RWDD2B: variants seen among roughly 807,000 people sequenced by gnomAD.
RWDD2B encodes RWD domain-containing protein 2B.
Under a neutral mutation model 33.6 loss-of-function variants are expected in RWDD2B, and 36 were observed. The ratio of observed to expected loss-of-function variants is 1.07; its 90% CI spans 0.82 to 1.42. The LOEUF (loss-of-function observed/expected upper bound fraction) is 1.42, where lower values mean the gene tolerates loss of function less well. RWDD2B is among the 40% of genes most tolerant of loss of function. RWDD2B has a pLI of 0.00. For missense variants in RWDD2B, 364 were observed against 377.5 expected (o/e 0.96, Z 0.30); for synonymous variants, 126 against 133.1 (o/e 0.95, Z 0.37).
chr21:29,011,191 CTGCCCAGCCGCCCTG>C, intron 1 of RWDD2B, among the ~76,000 whole-genome samples: 1 of 151,698 alleles, frequency 6.6e-6, no homozygotes, highest in Non-Finnish European at 1.5e-5. Context: ...AGGAGCGTCT[CTGCCCAGCCGCCCTG>C]CCATCTAGGA....
At chr21:29,016,661 CAT>C (rs1328766238) in intron 1 of RWDD2B, among the ~76,000 whole-genome samples, 2 of 151,794 alleles carry the variant, frequency 1.3e-5, no homozygotes, top group African/African-American at 4.8e-5. Context: ...AGTTGAGAAA[CAT>C]AAAAAACAAC....
intron 1 of RWDD2B, among the ~76,000 whole-genome samples, chr21:29,015,340 C>T (rs1030904001): frequency 5.6e-5 from 8 of 142,730 alleles, no homozygotes; most frequent in South Asian, 2.4e-4. Flanking sequence ...AAGCAATTCT[C>T]CTGCCTCAGC....
intron 1 of RWDD2B, among the ~76,000 whole-genome samples, chr21:29,015,859 A>C (rs2084887728): frequency 6.6e-6 from 1 of 152,174 alleles, no homozygotes; most frequent in Admixed American, 6.5e-5. Flanking sequence ...TATCCTAGAC[A>C]AAAGCAATCC....
At position 29,006,553 on chromosome 21, in the gene RWDD2B, G is replaced by T; in HGVS notation, c.824C>A (p.Ser275Tyr). The T allele has an allele frequency of 1.2e-6, 2 of 1,613,828 alleles. No homozygotes were observed. The highest frequency in any genetic ancestry group is 1.7e-6 in the Non-Finnish European group (2 of 1,179,854). The change falls in exon 5 of 5, where the codon TCC becomes TAC. Residue 275 changes from serine (S) to tyrosine (Y), a missense_variant. By Grantham distance (144) the Ser-to-Tyr change is moderately radical (BLOSUM62 -2). Transcript: ENST00000493196. ...ACTGAACACTTTTTCTTCAAAAATG[G>T]AAAATTTCCTTTGTCTTTCCGTTTC... ...NDETERQRKF[S>Y]IFEEKVFSVN... is the part of the protein sequence containing the mutation.
chr21:29,009,261 T>C (rs886913528), intron 1 of RWDD2B, among the ~76,000 whole-genome samples: 1 of 152,154 alleles, frequency 6.6e-6, no homozygotes, highest in Non-Finnish European at 1.5e-5. Flanking sequence ...CTTCATTTTT[T>C]ATTTGTAGAA....
At chr21:29,010,529 C>T (rs2084851302) in intron 1 of RWDD2B, among the ~76,000 whole-genome samples, 1 of 258 alleles carries the variant, frequency 3.9e-3, no homozygotes, top group African/African-American at 9.4e-3. Flanking sequence ...ATCACTGGAA[C>T]CTGGGAGTCA....
At chr21:29,011,622 C>A (rs1247515150) in intron 1 of RWDD2B, among the ~76,000 whole-genome samples, 1 of 143,266 alleles carries the variant, frequency 7.0e-6, no homozygotes, top group African/African-American at 2.6e-5. Context: ...CCAGCCGCCC[C>A]GTCCGGGAGG....
intron 1 of RWDD2B, among the ~76,000 whole-genome samples, chr21:29,015,416 A>G (rs1311707330): frequency 6.7e-6 from 1 of 150,280 alleles, no homozygotes; most frequent in Non-Finnish European, 1.5e-5. Context: ...TTTTTAGTAG[A>G]GATGGGGTTT....
Position 29,008,509 on chromosome 21 carries a change from G to A in RWDD2B, c.180C>T (p.Asp60=). 3.1e-6 allele frequency: 5 copies of A among 1,614,152 alleles called. No homozygotes were observed. The highest frequency in any genetic ancestry group is 4.2e-6 in the Non-Finnish European group (5 of 1,179,994). Residue 60 remains aspartate (D), a synonymous_variant, in exon 2 of 5, where the codon GAC becomes GAT. Transcript: ENST00000493196. ...FPGENELIVN[D]QLAVAELKDC... ...CTTTCAGTTCTGCTACAGCCAGCTG[G>A]TCATTCACTATGAGCTCATTCTCAC... is the stretch of plus-strand genomic sequence containing the variant.
At chr21:29,011,214 G>C in intron 1 of RWDD2B, among the ~76,000 whole-genome samples, 1 of 151,192 alleles carries the variant, frequency 6.6e-6, no homozygotes, top group African/African-American at 2.4e-5. Flanking sequence ...CTGCCATCTA[G>C]GAAGTGAGGA....
chr21:29,008,460 C>T lies in RWDD2B; in HGVS notation c.229G>A (p.Glu77Lys), dbSNP rs763150759. ...AAGTAGACTTTTGAAGATCGCCCCT[C>T]CATTGTCTTCTTTTCAATACAATCT... Reference protein sequence around the residue: ...LKDCIEKKTMEGRSSKVYFTI... With the variant: ...LKDCIEKKTMKGRSSKVYFTI... The change falls in exon 2 of 5, where the codon GAG becomes AAG. Residue 77 changes from glutamate (E) to lysine (K), a missense_variant. Coordinates refer to ENST00000493196, the MANE Select transcript of RWDD2B (RefSeq NM_016940.3). 6.2e-7 allele frequency: 1 copy of T among 1,614,212 alleles called. No homozygotes were observed. Among genetic ancestry groups the T allele is most frequent in the South Asian group, 1.1e-5 (1 of 91,086 alleles).
chr21:29,017,061 C>T (rs982952384), intron 1 of RWDD2B, among the ~76,000 whole-genome samples: 2 of 151,590 alleles, frequency 1.3e-5, no homozygotes. Flanking sequence ...TTAGTAGAGA[C>T]GGGGTTTCAC....
Position 29,004,871 on chromosome 21 carries a change from G to A in RWDD2B, c.*1546C>T, listed in dbSNP as rs1001666453. ...TTCTACATTGTATTACATAATATATGCTGTCTTTTACTAACTGATTCATTT... is the reference window on the plus strand; with the variant it reads ...TTCTACATTGTATTACATAATATATACTGTCTTTTACTAACTGATTCATTT... On this transcript the variant is annotated 3_prime_UTR_variant, in exon 5 of 5. Transcript: ENST00000493196. 6.6e-6 allele frequency: 1 copy of A among 152,072 alleles called. No homozygotes were observed. The highest frequency in any genetic ancestry group is 2.4e-5 in the African/African-American group (1 of 41,394). The allele number at this position is 152,072 out of a possible 1,614,324, so 9.4% of individuals were successfully genotyped here.
rs1261897189 is a variant in RWDD2B at position 29,005,702 on chromosome 21, C to T, written c.*715G>A. Reference sequence around the variant, plus strand: ...GCAGTGAGCGGAGGTTGCACCATTGCACTCTAGCCCGGGCGACAGAGCAAG... The same window carrying T: ...GCAGTGAGCGGAGGTTGCACCATTGTACTCTAGCCCGGGCGACAGAGCAAG... On this transcript the variant is annotated 3_prime_UTR_variant, in exon 5 of 5. Transcript: ENST00000493196. 6.6e-6 allele frequency: 1 copy of T among 152,224 alleles called. No homozygotes were observed. The highest frequency in any genetic ancestry group is 6.5e-5 in the Admixed American group (1 of 15,272). 9.4% of individuals were successfully genotyped at this position (152,224 alleles called of 1,614,324 possible). A position where few individuals can be genotyped will look rare whatever the true frequency, so the allele number is the denominator to read the frequency against.
rs2084836259 is a variant in RWDD2B, at chr21:29,007,853, C to T, written c.633G>A (p.Lys211=). 6.2e-7 allele frequency: 1 copy of T among 1,614,154 alleles called. No individual in the cohort carries two copies. The highest frequency in any genetic ancestry group is 8.5e-7 in the Non-Finnish European group (1 of 1,180,054). Residue 211 remains lysine (K), a synonymous_variant, in exon 4 of 5, where the codon AAG becomes AAA. Coordinates refer to ENST00000493196, the MANE Select transcript of RWDD2B (RefSeq NM_016940.3). ...TGCTAAACCCAGACAGGGAAAGCTCCTTTGCCCACTCTAGAATATTCTTTC... is the reference window on the plus strand; with the variant it reads ...TGCTAAACCCAGACAGGGAAAGCTCTTTTGCCCACTCTAGAATATTCTTTC... ...CKRKNILEWA[K]ELSLSGFSMP...
chr21:29,017,148 G>A (rs1018162852), intron 1 of RWDD2B, among the ~76,000 whole-genome samples: 1 of 151,790 alleles, frequency 6.6e-6, no homozygotes, highest in Non-Finnish European at 1.5e-5. Flanking sequence ...TGGGATTACA[G>A]GCATGAGCCA....
In RWDD2B at chr21:29,008,628, A is replaced by C. The variant is rs1281045698; in HGVS notation, c.68-7T>G. 1.3e-6 allele frequency: 2 copies of C among 1,597,220 alleles called. No homozygotes were observed. Among genetic ancestry groups the C allele is most frequent in the African/African-American group, 2.7e-5 (2 of 74,500 alleles). On this transcript the variant is annotated splice_region_variant and splice_polypyrimidine_tract_variant and intron_variant, in intron 1 of 4. Coordinates refer to ENST00000493196, the MANE Select transcript of RWDD2B (RefSeq NM_016940.3). ...TTTGGACATGTGTAAGTTTCTAAGG[A>C]GGTAAAGATAAGAGAGACAATTTAC...
chr21:29,019,347 CCGG>C, exon 1 of RWDD2B: 1 of 1,096,098 alleles, frequency 9.1e-7, no homozygotes, highest in South Asian at 1.4e-5. Flanking sequence ...TGGCGACCTA[CCGG>C]AAAAAAAAAA....
At position 29,004,556 on chromosome 21, in the gene RWDD2B, C is replaced by T. The variant is rs2084819730; in HGVS notation, c.*1861G>A. 1 of 152,144 alleles carries T rather than the reference C, an allele frequency of 6.6e-6. No individual in the cohort carries two copies. The highest frequency in any genetic ancestry group is 1.5e-5 in the Non-Finnish European group (1 of 68,036). 9.4% of individuals were successfully genotyped at this position (152,144 alleles called of 1,614,324 possible). On this transcript the variant is annotated 3_prime_UTR_variant, in exon 5 of 5. Transcript: ENST00000493196. ...CTTTGGTGGTAGGGATGTCAGATTC[C>T]ATTCTCTGTAGGGTATTTCATACAA...
Sources: gnomAD v4.1 joint callset for allele counts (sites outside exome capture counted in the v4.1 genomes callset) on GRCh38, gnomAD v4.1.1 for gene constraint, MANE v1.5 for transcripts, NCBI Gene and HGNC (gene_info 2026-07-23, HGNC 2026-07-21) for gene names.